RANBP9: variants seen among roughly 807,000 people sequenced by gnomAD.
RANBP9 encodes the protein ran-binding protein 9.
A neutral mutation model predicts 84.3 loss-of-function variants in RANBP9; 15 were observed. That is an observed-to-expected ratio of 0.18 (90% confidence interval 0.12 to 0.27). The LOEUF (loss-of-function observed/expected upper bound fraction) is 0.27. Ranked by LOEUF, RANBP9 falls within the 10% of genes least tolerant of loss-of-function variation. The pLI, the probability that RANBP9 is intolerant of heterozygous loss-of-function variation, is 1.00. For synonymous variants in RANBP9, 392 were observed against 349.6 expected (o/e 1.12, Z -1.35); for missense variants, 809 against 912.8 (o/e 0.89, Z 1.46).
At chr6:13,638,862 G>C (rs956496327) in intron 9 of RANBP9, among the ~76,000 whole-genome samples, 2 of 152,100 alleles carry the variant, frequency 1.3e-5, no homozygotes, top group African/African-American at 4.8e-5. Flanking sequence ...TTGGGGGTGG[G>C]GGGAGAGGAG....
chr6:13,660,517 G>C (rs1169343776), intron 2 of RANBP9, among the ~76,000 whole-genome samples: 1 of 152,090 alleles, frequency 6.6e-6, no homozygotes, highest in Non-Finnish European at 1.5e-5. Flanking sequence ...TTGTCACTCA[G>C]GCTGGAGGGC....
Position 13,621,817 on chromosome 6 carries a change from T to C in RANBP9, c.*545A>G, listed in dbSNP as rs1423899065. ...TCGGGATTGTAAGTAGCAACAAACA[T>C]ATTCACTCAGCTCCTGAGTATTTCA... is the stretch of plus-strand genomic sequence containing the variant. On this transcript the variant is annotated 3_prime_UTR_variant, in exon 14 of 14. Transcript: ENST00000011619. 1 of 152,642 alleles carries C rather than the reference T, an allele frequency of 6.6e-6. No homozygotes were observed. The highest frequency in any genetic ancestry group is 1.5e-5 in the Non-Finnish European group (1 of 68,030). 9.5% of individuals were successfully genotyped at this position (152,642 alleles called of 1,614,324 possible).
At chr6:13,650,074 T>C (rs965848085) in intron 5 of RANBP9, among the ~76,000 whole-genome samples, 3 of 152,116 alleles carry the variant, frequency 2.0e-5, no homozygotes, top group Non-Finnish European at 4.4e-5. Context: ...GTCCTAACAA[T>C]ATGTATTTTA....
At chr6:13,642,654 T>C (rs1765093594) in intron 6 of RANBP9, 63 bp from the exon 7 acceptor site, 2 of 1,146,268 alleles carry the variant, frequency 1.7e-6, no homozygotes, top group Non-Finnish European at 2.5e-6. Context: ...CATACTACAA[T>C]TTATATAAAC....
At chr6:13,708,341 C>T (rs1758179758) in intron 1 of RANBP9, among the ~76,000 whole-genome samples, 1 of 152,044 alleles carries the variant, frequency 6.6e-6, no homozygotes, top group Non-Finnish European at 1.5e-5. Flanking sequence ...CAGGGGGATC[C>T]CTTGAGCCTA....
At chr6:13,707,092 T>G (rs1758148174) in intron 1 of RANBP9, among the ~76,000 whole-genome samples, 1 of 151,940 alleles carries the variant, frequency 6.6e-6, no homozygotes, top group South Asian at 2.1e-4. Flanking sequence ...CAGGCCATCA[T>G]AGCTCACTGA....
At chr6:13,680,529 C>T (rs955696298) in intron 2 of RANBP9, among the ~76,000 whole-genome samples, 2 of 151,908 alleles carry the variant, frequency 1.3e-5, no homozygotes, top group African/African-American at 4.8e-5. Context: ...TCACTTGAGC[C>T]CAGGAGTTCA....
chr6:13,711,619 G>A lies in RANBP9; in HGVS notation c.-114C>T, dbSNP rs924608052. ...ACCAGGCGCCCAGTCCGCCCGCCCC[G>A]GAAGCAGGCGGCGGGCCGCGCGCCC... On this transcript the variant is annotated 5_prime_UTR_variant, in exon 1 of 14. Transcript: ENST00000011619. The A allele has an allele frequency of 1.6e-5, 16 of 1,031,768 alleles. No individual in the cohort carries two copies. The highest frequency in any genetic ancestry group is 1.4e-4 in the South Asian group (3 of 20,844). The allele number at this position is 1,031,768 out of a possible 1,614,324, so 63.9% of individuals were successfully genotyped here.
intron 5 of RANBP9, among the ~76,000 whole-genome samples, chr6:13,652,293 T>C (rs1765315625): frequency 6.6e-6 from 1 of 152,228 alleles, no homozygotes; most frequent in Non-Finnish European, 1.5e-5. Context: ...TCCAAGCACT[T>C]TACCTGCCAC....
At chr6:13,667,420 TTAAG>T (rs1234869979) in intron 2 of RANBP9, among the ~76,000 whole-genome samples, 1 of 152,206 alleles carries the variant, frequency 6.6e-6, no homozygotes, top group Admixed American at 6.5e-5. Flanking sequence ...ACATTCTTGA[TTAAG>T]TTAGTATATG....
At chr6:13,670,040 C>T (rs769328780) in intron 2 of RANBP9, among the ~76,000 whole-genome samples, 5 of 152,056 alleles carry the variant, frequency 3.3e-5, no homozygotes, top group Non-Finnish European at 5.9e-5. Context: ...CTATAATCCC[C>T]GCGCTTTGAA....
At chr6:13,652,733 T>C (rs972901047) in intron 4 of RANBP9, 52 bp from the exon 5 acceptor site, 1 of 1,447,144 alleles carries the variant, frequency 6.9e-7, no homozygotes, top group Non-Finnish European at 9.5e-7. Context: ...AAGCAGACTA[T>C]ACTGACAAGC....
Position 13,682,144 on chromosome 6 carries a change from G to GATTAC in RANBP9, c.683+14640_683+14641insGTAAT, listed in dbSNP as rs1447140825. On this transcript the variant is annotated intron_variant, in intron 2 of 13. Coordinates refer to ENST00000011619, the MANE Select transcript of RANBP9 (RefSeq NM_005493.3). ...CTTAAAGTGCTGGGATTACAGGCGT[G>GATTAC]AGCCACCGCACCTGGGCCAAGTGCC... 1.2e-3 allele frequency among the ~76,000 whole-genome samples: 187 copies of GATTAC among 152,118 alleles called. 2 individuals carry two copies. Among genetic ancestry groups the GATTAC allele is most frequent in the African/African-American group, 4.4e-3 (181 of 41,494 alleles).
At chr6:13,660,011 A>G (rs1382478091) in intron 2 of RANBP9, among the ~76,000 whole-genome samples, 2 of 152,238 alleles carry the variant, frequency 1.3e-5, no homozygotes, top group Non-Finnish European at 2.9e-5. Context: ...AAAACCTTTT[A>G]TAATTATTTA....
At chr6:13,625,208 C>T (rs1764568566) in intron 13 of RANBP9, among the ~76,000 whole-genome samples, 1 of 152,160 alleles carries the variant, frequency 6.6e-6, no homozygotes, top group African/African-American at 2.4e-5. Flanking sequence ...TCTCCGATTC[C>T]TTCTACAGCA....
intron 5 of RANBP9, among the ~76,000 whole-genome samples, chr6:13,645,696 T>A (rs1699403917): frequency 6.6e-6 from 1 of 152,170 alleles, no homozygotes; most frequent in African/African-American, 2.4e-5. Flanking sequence ...TGATACCACA[T>A]CCAAAACTGA....
Position 13,711,289 on chromosome 6 carries a change from G to A in RANBP9, c.217C>T (p.Pro73Ser), listed in dbSNP as rs1362328525. 8.9e-6 allele frequency: 9 copies of A among 1,010,080 alleles called. No homozygotes were observed. The highest frequency in any genetic ancestry group is 1.1e-5 in the Non-Finnish European group (9 of 847,924). The allele number at this position is 1,010,080 out of a possible 1,614,324, so 62.6% of individuals were successfully genotyped here. ...GCCGCGGTGGCCGGGGGCGGCGGCG[G>A]CGGAGGGTGGAGGAGCAGGGCGGCC... ...AAAALLLHPP[P>S]PPPPATAAPP... Residue 73 changes from proline (P) to serine (S), a missense_variant, in exon 1 of 14, where the codon CCG (proline) becomes TCG (serine). Pro to Ser is a moderately conservative substitution (Grantham distance 74). Around this residue, in one of 5 missense-constraint regions of RANBP9, gnomAD observed 302 missense variants for 240.1 expected, o/e 1.26. Transcript: ENST00000011619.
At chr6:13,660,979 T>A (rs1765527625) in intron 2 of RANBP9, among the ~76,000 whole-genome samples, 1 of 152,232 alleles carries the variant, frequency 6.6e-6, no homozygotes, top group Non-Finnish European at 1.5e-5. Flanking sequence ...GCTCTGAGTC[T>A]ATGAGCACTC....
chr6:13,698,541 C>G (rs893152385), intron 1 of RANBP9, among the ~76,000 whole-genome samples: 1 of 152,130 alleles, frequency 6.6e-6, no homozygotes, highest in Admixed American at 6.5e-5. Context: ...AGAAAACTAT[C>G]TAAACAAAAT....
Sources: allele counts gnomAD v4.1 joint callset (sites outside exome capture counted in the v4.1 genomes callset), GRCh38; gene constraint gnomAD v4.1.1; regional missense constraint gnomAD v4.1.1; transcripts MANE v1.5; gene names NCBI Gene and HGNC (gene_info 2026-07-23, HGNC 2026-07-21).